OPCML: variants seen among roughly 807,000 people sequenced by gnomAD.
OPCML encodes the protein opioid-binding protein/cell adhesion molecule.
Under a neutral mutation model 37.8 loss-of-function variants are expected in OPCML, and 13 were observed. The observed-to-expected ratio is 0.34, with a 90% CI of 0.22 to 0.55. The LOEUF is 0.55. Among genes scored for constraint, OPCML ranks in the 20% least tolerant of loss-of-function variants. OPCML has a pLI of 0.91. For missense variants in OPCML, 341 were observed against 435.6 expected (o/e 0.78, Z 1.93); for synonymous variants, 176 against 168.8 (o/e 1.04, Z -0.33).
intron 7 of OPCML, among the ~76,000 whole-genome samples, chr11:132,426,547 C>G (rs953445856): frequency 6.6e-6 from 1 of 152,122 alleles, no homozygotes; most frequent in South Asian, 2.1e-4. Flanking sequence ...ATTCTCCTGC[C>G]TCAGCCTCCC....
rs1243794010 is a variant in OPCML, at chr11:132,436,185, T to A, written c.817A>T (p.Thr273Ser). Residue 273 changes from threonine (T) to serine (S), a missense_variant, in exon 7 of 8, where the codon ACT becomes TCT. By Grantham distance (58) the Thr-to-Ser change is moderately conservative. Transcript: ENST00000524381. ...MRIENKGRMS[T>S]LTFFNVSEKD... ...TCTGAAACATTGAAGAAAGTCAGAG[T>A]GGACATGCGGCCTTTGTTTTCAATC... The A allele has an allele frequency of 6.8e-6, 11 of 1,614,182 alleles. No homozygotes were observed. Among genetic ancestry groups the A allele is most frequent in the Non-Finnish European group, 6.8e-6 (8 of 1,180,020 alleles).
intron 2 of OPCML, among the ~76,000 whole-genome samples, chr11:132,659,501 G>A (rs918067307): frequency 2.6e-5 from 4 of 152,262 alleles, no homozygotes; most frequent in South Asian, 4.1e-4. Flanking sequence ...TGTTCCAGTC[G>A]CTTCTAGTTG....
At chr11:133,015,361 A>G (rs1270517580) in intron 1 of OPCML, among the ~76,000 whole-genome samples, 1 of 137,368 alleles carries the variant, frequency 7.3e-6, no homozygotes, top group African/African-American at 2.8e-5. Context: ...GGGAGGAAGG[A>G]AGGGAGGAAT....
chr11:132,605,452 T>TA lies in OPCML; in HGVS notation c.379+51634dup, dbSNP rs569650953. Among the ~76,000 whole-genome samples the TA allele has an allele frequency of 4.6e-5, 7 of 151,710 alleles. No homozygotes were observed. The East Asian group carries it at 1.4e-3, about 29-fold the overall frequency. On this transcript the variant is annotated intron_variant, in intron 3 of 7. Transcript: ENST00000524381. ...GATGGCACGCACCTATAGTCCCAGC[T>TA]ACTCGGGAGGCTGAGGTAGGAGAAT...
intron 1 of OPCML, among the ~76,000 whole-genome samples, chr11:133,083,006 G>A (rs1346824300): frequency 1.3e-5 from 2 of 151,314 alleles, no homozygotes; most frequent in Non-Finnish European, 1.5e-5. Flanking sequence ...GTCAGCGCCG[G>A]AGCCCGCGGC....
intron 2 of OPCML, among the ~76,000 whole-genome samples, chr11:132,675,248 T>G (rs10894598): frequency 0.32 from 48,854 of 150,658 alleles, 9,817 homozygotes; most frequent in Non-Finnish European, 0.46. Context: ...TATCTTTCAT[T>G]GTGAATTTAA....
At chr11:133,140,379 G>T (rs1171262794) in intron 1 of OPCML, among the ~76,000 whole-genome samples, 73 of 148,740 alleles carry the variant, frequency 4.9e-4, no homozygotes, top group Non-Finnish European at 7.4e-5. Context: ...GCAGGGTGTG[G>T]CAGCGGGCAC....
rs1226295405 is a variant in OPCML, at chr11:132,416,144, CCTT to C, written c.*4046_*4048del. ...AATGCATTTTTTCCAAAAAGAAAAACCTTATGCTGCTTCCCTTAATTCCAAAGG... is the reference window on the plus strand; with the variant it reads ...AATGCATTTTTTCCAAAAAGAAAAACATGCTGCTTCCCTTAATTCCAAAGG... On this transcript the variant is annotated 3_prime_UTR_variant, in exon 8 of 8. Coordinates refer to ENST00000524381, the MANE Select transcript of OPCML (RefSeq NM_001012393.5). The C allele has an allele frequency of 4.6e-5, 7 of 152,294 alleles. No homozygotes were observed. The highest frequency in any genetic ancestry group is 4.4e-5 in the Non-Finnish European group (3 of 68,020). The allele number at this position is 152,294 out of a possible 1,614,324, so 9.4% of individuals were successfully genotyped here. A position where few individuals can be genotyped will look rare whatever the true frequency, so the allele number is the denominator to read the frequency against.
At chr11:133,256,940 C>T (rs1167776275) in intron 1 of OPCML, among the ~76,000 whole-genome samples, 1 of 152,128 alleles carries the variant, frequency 6.6e-6, no homozygotes, top group Non-Finnish European at 1.5e-5. Flanking sequence ...GCTGGTAGAC[C>T]AGCTCTACAG....
chr11:133,390,355 C>T (rs1017095554), intron 1 of OPCML, among the ~76,000 whole-genome samples: 10 of 151,918 alleles, frequency 6.6e-5, no homozygotes, highest in Admixed American at 5.9e-4. Flanking sequence ...CCCAGCTACT[C>T]GGGAGGCTGA....
chr11:132,875,676 C>A (rs1423549196), intron 2 of OPCML, among the ~76,000 whole-genome samples: 1 of 152,094 alleles, frequency 6.6e-6, no homozygotes, highest in African/African-American at 2.4e-5. Flanking sequence ...GTTGGTCAGG[C>A]TGGTCTCGAA....
chr11:132,654,575 T>A (rs1481902943), intron 3 of OPCML, among the ~76,000 whole-genome samples: 1 of 148,632 alleles, frequency 6.7e-6, no homozygotes, highest in Non-Finnish European at 1.5e-5. Context: ...AAGAACATCA[T>A]CCCCAAGAGA....
At chr11:133,354,059 G>T (rs1171773837) in intron 1 of OPCML, among the ~76,000 whole-genome samples, 2 of 151,980 alleles carry the variant, frequency 1.3e-5, no homozygotes, top group Non-Finnish European at 2.9e-5. Context: ...CTATACTAAA[G>T]CCTAAAACCC....
chr11:132,520,595 T>C (rs2096290547), intron 4 of OPCML, among the ~76,000 whole-genome samples: 1 of 151,938 alleles, frequency 6.6e-6, no homozygotes, highest in Non-Finnish European at 1.5e-5. Flanking sequence ...CCACAGGAAG[T>C]TGCAAAAATG....
intron 4 of OPCML, among the ~76,000 whole-genome samples, chr11:132,486,046 G>T (rs2096198742): frequency 6.6e-6 from 1 of 152,140 alleles, no homozygotes; most frequent in Admixed American, 6.5e-5. Context: ...CTGCCTCTTT[G>T]TCAACACTTA....
intron 2 of OPCML, among the ~76,000 whole-genome samples, chr11:132,887,745 G>C (rs772959920): frequency 6.6e-6 from 1 of 152,246 alleles, no homozygotes; most frequent in Non-Finnish European, 1.5e-5. Flanking sequence ...AATGGTTTAA[G>C]AGAGTGTCAA....
chr11:133,518,231 G>T (rs1289976295), intron 1 of OPCML, among the ~76,000 whole-genome samples: 1 of 151,796 alleles, frequency 6.6e-6, no homozygotes, highest in Non-Finnish European at 1.5e-5. Context: ...GGGGGGGTGT[G>T]TTTGTGCTCA....
intron 1 of OPCML, among the ~76,000 whole-genome samples, chr11:133,501,594 T>C (rs1056145418): frequency 2.0e-5 from 3 of 152,012 alleles, no homozygotes; most frequent in Non-Finnish European, 4.4e-5. Context: ...AGCTACACCT[T>C]CCCCCACCCC....
chr11:133,074,945 C>A (rs903810607), intron 1 of OPCML, among the ~76,000 whole-genome samples: 2 of 152,102 alleles, frequency 1.3e-5, no homozygotes, highest in Non-Finnish European at 2.9e-5. Context: ...GTCTGTCCAC[C>A]ATCATACTTT....
Sources: allele counts gnomAD v4.1 joint callset (sites outside exome capture counted in the v4.1 genomes callset), GRCh38; gene constraint gnomAD v4.1.1; transcripts MANE v1.5; gene names NCBI Gene and HGNC (gene_info 2026-07-23, HGNC 2026-07-21).